The following INPP5A variants were observed in gnomAD, a reference collection of about 807,000 sequenced individuals.
INPP5A encodes inositol polyphosphate-5-phosphatase A.
Under a neutral mutation model 65.2 loss-of-function variants are expected in INPP5A, and 14 were observed. That is an observed-to-expected ratio of 0.21 (90% CI 0.14 to 0.34). The LOEUF is 0.34. INPP5A is among the 10% of genes least tolerant of loss of function. The pLI, the probability that INPP5A is intolerant of heterozygous loss-of-function variation, is 1.00. For missense variants in INPP5A, 431 were observed against 545.6 expected (o/e 0.79, Z 2.09); for synonymous variants, 207 against 208.3 (o/e 0.99, Z 0.05).
chr10:132,713,871 G>C (rs1164479932), intron 8 of INPP5A, among the ~76,000 whole-genome samples: 1 of 152,208 alleles, frequency 6.6e-6, no homozygotes, highest in Non-Finnish European at 1.5e-5. Flanking sequence ...TGGGGGATGG[G>C]GGCCTGGGGC....
At chr10:132,609,068 G>A (rs1270132052) in intron 2 of INPP5A, among the ~76,000 whole-genome samples, 1 of 152,202 alleles carries the variant, frequency 6.6e-6, no homozygotes, top group African/African-American at 2.4e-5. Context: ...GGACAACGGC[G>A]TGTGTGTGCA....
chr10:132,695,177 G>T (rs185525506), intron 5 of INPP5A, among the ~76,000 whole-genome samples: 2 of 152,040 alleles, frequency 1.3e-5, no homozygotes, highest in East Asian at 3.9e-4. Context: ...TCCTGGTATA[G>T]AGGCTGGTTC....
intron 1 of INPP5A, among the ~76,000 whole-genome samples, chr10:132,581,662 C>T (rs906505953): frequency 2.0e-5 from 3 of 152,144 alleles, no homozygotes; most frequent in African/African-American, 7.2e-5. Context: ...TTTTCAGCTG[C>T]TTATTGACCA....
chr10:132,610,584 C>T lies in INPP5A; in HGVS notation c.117+2628C>T, dbSNP rs193096853. ...TGGCCCCAGCCAGCTCGCTGCAGGG[C>T]GCAGGTGTGGTGGGGAGACCTGGGG... On this transcript the variant is annotated intron_variant, in intron 2 of 15. Transcript: ENST00000368594. 7.6e-4 allele frequency among the ~76,000 whole-genome samples: 115 copies of T among 152,312 alleles called. 2 individuals carry two copies. Among genetic ancestry groups the T allele is most frequent in the Admixed American group, 5.4e-3 (83 of 15,306 alleles).
Position 132,698,000 on chromosome 10 carries a change from G to C in INPP5A, c.474+81G>C. 2 of 873,584 alleles carry C rather than the reference G, an allele frequency of 2.3e-6. No individual in the cohort carries two copies. The highest frequency in any genetic ancestry group is 3.8e-6 in the Non-Finnish European group (2 of 526,724). 54.1% of individuals were successfully genotyped at this position (873,584 alleles called of 1,614,324 possible). ...AAGTGACATGGAACACGGAATTTTCGCATTGCACTGTTACTAGTCACAGCT... is the reference window on the plus strand; with the variant it reads ...AAGTGACATGGAACACGGAATTTTCCCATTGCACTGTTACTAGTCACAGCT... On this transcript the variant is annotated intron_variant, in intron 6 of 15. Transcript: ENST00000368594. The surrounding 1 kb of genome is among the most constrained non-coding windows in gnomAD (Gnocchi z 5.6).
At position 132,678,496 on chromosome 10, in the gene INPP5A, C is replaced by G. The variant is rs1348145717; in HGVS notation, c.307-11896C>G. Among the ~76,000 whole-genome samples the G allele has an allele frequency of 6.6e-6, 1 of 152,152 alleles. No individual in the cohort carries two copies. Among genetic ancestry groups the G allele is most frequent in the Non-Finnish European group, 1.5e-5 (1 of 68,030 alleles). On this transcript the variant is annotated intron_variant, in intron 4 of 15. Coordinates refer to ENST00000368594, the MANE Select transcript of INPP5A (RefSeq NM_005539.5). The surrounding 1 kb of genome is among the most constrained non-coding windows in gnomAD (Gnocchi z 4.1). Reference sequence around the variant, plus strand: ...GCAAGTGTGTTCAGCTTCTCGGGAGCACCGTGAACCTGTGCCTTGGGTTGT... The same window carrying G: ...GCAAGTGTGTTCAGCTTCTCGGGAGGACCGTGAACCTGTGCCTTGGGTTGT...
intron 4 of INPP5A, among the ~76,000 whole-genome samples, chr10:132,671,727 A>G (rs1272360255): frequency 6.6e-6 from 1 of 152,226 alleles, no homozygotes; most frequent in African/African-American, 2.4e-5. Context: ...TGTGCCACCC[A>G]TGCAGGGATC....
chr10:132,720,068 C>T (rs1845836658), intron 8 of INPP5A, among the ~76,000 whole-genome samples: 1 of 150,004 alleles, frequency 6.7e-6, no homozygotes, highest in Admixed American at 6.6e-5. Context: ...TACCTGGGTT[C>T]TGTCTGGGCG....
At chr10:132,577,744 G>C (rs984474375) in intron 1 of INPP5A, among the ~76,000 whole-genome samples, 2 of 152,236 alleles carry the variant, frequency 1.3e-5, no homozygotes, top group East Asian at 3.8e-4. Flanking sequence ...GGGAGGCATT[G>C]GGTGTTGTGG....
intron 9 of INPP5A, among the ~76,000 whole-genome samples, chr10:132,748,103 A>G (rs1490417851): frequency 3.3e-5 from 5 of 152,162 alleles, no homozygotes; most frequent in African/African-American, 1.2e-4. Flanking sequence ...ATTTACACAC[A>G]AGCTATAATC....
At chr10:132,701,965 A>G (rs1845444629) in intron 6 of INPP5A, among the ~76,000 whole-genome samples, 1 of 152,352 alleles carries the variant, frequency 6.6e-6, no homozygotes, top group Middle Eastern at 3.4e-3. Flanking sequence ...CGAAGGGTGC[A>G]TGGGACGCCC....
At chr10:132,719,809 T>A (rs1211979040) in intron 8 of INPP5A, among the ~76,000 whole-genome samples, 2 of 149,922 alleles carry the variant, frequency 1.3e-5, no homozygotes, top group Admixed American at 1.3e-4. Context: ...GGTGCCTGGG[T>A]TCTGTCTGGG....
chr10:132,626,130 C>T (rs2072180994), intron 2 of INPP5A, among the ~76,000 whole-genome samples: 1 of 152,238 alleles, frequency 6.6e-6, no homozygotes, highest in South Asian at 2.1e-4. Context: ...GCCTGCTTTC[C>T]CTGTGCTAGT....
intron 2 of INPP5A, among the ~76,000 whole-genome samples, chr10:132,608,792 T>A (rs1174723790): frequency 1.3e-5 from 2 of 152,304 alleles, no homozygotes; most frequent in African/African-American, 4.8e-5. Context: ...AAATCCTGTT[T>A]CAGGTGTGTT....
At chr10:132,646,645 T>C (rs976057860) in intron 3 of INPP5A, among the ~76,000 whole-genome samples, 5 of 152,166 alleles carry the variant, frequency 3.3e-5, no homozygotes, top group African/African-American at 1.2e-4. Flanking sequence ...CTTGGCACAT[T>C]CCCATGTTGG....
At position 132,757,501 on chromosome 10, in the gene INPP5A, A is replaced by G. The variant is rs200112575; in HGVS notation, c.903+7656A>G. Reference sequence around the variant, plus strand: ...GCAGCCCTGGAGCCACGGGCCTCCCACTGTACAGCCCAGGCGTGGAGCGTA... The same window carrying G: ...GCAGCCCTGGAGCCACGGGCCTCCCGCTGTACAGCCCAGGCGTGGAGCGTA... On this transcript the variant is annotated intron_variant, in intron 11 of 15. Coordinates refer to ENST00000368594, the MANE Select transcript of INPP5A (RefSeq NM_005539.5). Among the ~76,000 whole-genome samples, 32 of 152,356 alleles carry G rather than the reference A, an allele frequency of 2.1e-4. 1 individual carries two copies. The East Asian group carries it at 6.0e-3, about 28-fold the overall frequency.
intron 6 of INPP5A, 86 bp from the exon 7 acceptor site, chr10:132,708,227 C>T: frequency 2.5e-6 from 3 of 1,199,080 alleles, no homozygotes; most frequent in Non-Finnish European, 3.7e-6. Flanking sequence ...TGGAAAGCAT[C>T]TCCTGTGTCC....
rs193144057 is a variant in INPP5A at position 132,762,494 on chromosome 10, T to C, written c.904-3279T>C. On this transcript the variant is annotated intron_variant, in intron 11 of 15. Transcript: ENST00000368594. This position sits in a 1 kb window ranked among gnomAD's most constrained non-coding sequence, Gnocchi z 4.6. The stretch of plus-strand genomic sequence containing the variant: ...CCCCACCCACACACTTAGAGTTCTC[T>C]CAGCAGCCAAGTCAGCCTTCAGAAC... Among the ~76,000 whole-genome samples, 1 of 152,194 alleles carries C rather than the reference T, an allele frequency of 6.6e-6. No homozygotes were observed. Among genetic ancestry groups the C allele is most frequent in the Admixed American group, 6.5e-5 (1 of 15,302 alleles).
intron 4 of INPP5A, among the ~76,000 whole-genome samples, chr10:132,652,097 C>T (rs2072585907): frequency 6.6e-6 from 1 of 152,164 alleles, no homozygotes; most frequent in South Asian, 2.1e-4. Context: ...TCAGCTCTGC[C>T]ATCCTTTCCA....
Sources: gnomAD v4.1 joint callset for allele counts (sites outside exome capture counted in the v4.1 genomes callset) on GRCh38, gnomAD v4.1.1 for gene constraint, Gnocchi (gnomAD v3.1) non-coding constraint, MANE v1.5 for transcripts, NCBI Gene and HGNC (gene_info 2026-07-23, HGNC 2026-07-21) for gene names.